FAT1: variants seen among roughly 807,000 people sequenced by gnomAD.
FAT1 encodes FAT atypical cadherin 1.
A neutral mutation model predicts 329.8 loss-of-function variants in FAT1; 171 were observed. The ratio of observed to expected loss-of-function variants is 0.52; its 90% CI spans 0.46 to 0.59. The LOEUF (loss-of-function observed/expected upper bound fraction) is 0.59, where lower values mean the gene tolerates loss of function less well. Ranked by LOEUF, FAT1 falls within the 20% of genes least tolerant of loss-of-function variation. The probability of loss-of-function intolerance (pLI) is 0.00; values close to 1 mark genes in which losing one functional copy is unlikely to be tolerated. For missense variants in FAT1, 5,672 were observed against 5,774.4 expected (o/e 0.98, Z 0.57); for synonymous variants, 2,233 against 2,228.6 (o/e 1.00, Z -0.06).
chr4:186,710,157 A>AT (rs1436628948), intron 1 of FAT1, among the ~76,000 whole-genome samples: 4 of 152,344 alleles, frequency 2.6e-5, no homozygotes, highest in African/African-American at 9.6e-5. Context: ...ACTAAGTTAT[A>AT]TTTTTATATT....
intron 3 of FAT1, among the ~76,000 whole-genome samples, chr4:186,649,387 T>C (rs1292845126): frequency 1.3e-5 from 2 of 152,226 alleles, no homozygotes; most frequent in Non-Finnish European, 2.9e-5. Context: ...TGGTGGCTCC[T>C]GCCCAAAAGA....
At chr4:186,645,763 T>C (rs1195563281) in intron 3 of FAT1, among the ~76,000 whole-genome samples, 4 of 151,540 alleles carry the variant, frequency 2.6e-5, no homozygotes. Flanking sequence ...TTGGTCAACA[T>C]GGAGAAACCC....
chr4:186,704,765 C>T (rs1282057794), intron 2 of FAT1, among the ~76,000 whole-genome samples: 1 of 152,142 alleles, frequency 6.6e-6, no homozygotes, highest in African/African-American at 2.4e-5. Context: ...AGAGGATTAT[C>T]AAATGCTGTT....
At chr4:186,712,362 G>GT (rs34963612) in intron 1 of FAT1, among the ~76,000 whole-genome samples, 4,356 of 151,562 alleles carry the variant, frequency 0.029, 97 homozygotes, top group Non-Finnish European at 0.045. Context: ...CTCTACTGTG[G>GT]TTTTTTTTTA....
chr4:186,691,878 C>T (rs973426964), intron 2 of FAT1, among the ~76,000 whole-genome samples: 1 of 151,988 alleles, frequency 6.6e-6, no homozygotes, highest in African/African-American at 2.4e-5. Flanking sequence ...GATCACTGAA[C>T]CTTTCTACAA....
chr4:186,639,649 G>T (rs562947778), intron 4 of FAT1, 73 bp downstream of exon 4: 1 of 1,022,392 alleles, frequency 9.8e-7, no homozygotes, highest in Non-Finnish European at 1.5e-6. Context: ...TGGTTAATGG[G>T]AACAAGATTG....
intron 2 of FAT1, among the ~76,000 whole-genome samples, chr4:186,680,243 T>G (rs1398085641): frequency 6.6e-6 from 1 of 152,138 alleles, no homozygotes; most frequent in East Asian, 1.9e-4. Flanking sequence ...ACTAACACAA[T>G]CTGTTCAAAA....
At chr4:186,635,291 C>T (rs1445178982) in intron 6 of FAT1, among the ~76,000 whole-genome samples, 2 of 130,522 alleles carry the variant, frequency 1.5e-5, no homozygotes, top group Non-Finnish European at 1.6e-5. Context: ...ACCCTTGTAA[C>T]TAAAATGTGA....
intron 7 of FAT1, 36 bp from the exon 8 acceptor site, chr4:186,628,799 C>T (rs1222734802): frequency 6.3e-7 from 1 of 1,580,714 alleles, no homozygotes; most frequent in Non-Finnish European, 8.6e-7. Flanking sequence ...TACAATATTT[C>T]CAATTATGAA....
rs115343249 is a variant in FAT1, at chr4:186,668,125, A to G, written c.3266-4512T>C. ...ACCTAGGCGCTATTATAGGCACTGCACAAAGTGGGTGGAAGGAAGCCTTAA... is the reference window on the plus strand; with the variant it reads ...ACCTAGGCGCTATTATAGGCACTGCGCAAAGTGGGTGGAAGGAAGCCTTAA... On this transcript the variant is annotated intron_variant, in intron 2 of 26. Coordinates refer to ENST00000441802, the MANE Select transcript of FAT1 (RefSeq NM_005245.4). Among the ~76,000 whole-genome samples, 1,106 of 152,292 alleles carry G rather than the reference A, an allele frequency of 7.3e-3. 13 individuals are homozygous for G. Among genetic ancestry groups the G allele is most frequent in the African/African-American group, 0.026 (1,062 of 41,562 alleles).
Position 186,619,525 on chromosome 4 carries a change from C to T in FAT1, c.7061G>A (p.Arg2354Gln), listed in dbSNP as rs746997376. The change falls in exon 10 of 27, where the codon CGG (arginine) becomes CAG (glutamine). Residue 2354 changes from arginine to glutamine, a missense_variant. By Grantham distance (43) the Arg-to-Gln change is conservative. Around this residue, in one of 2 missense-constraint regions of FAT1, gnomAD observed 3,966 missense variants for 3,915.2 expected, o/e 1.01. Coordinates refer to ENST00000441802, the MANE Select transcript of FAT1 (RefSeq NM_005245.4). ...TGCCCTCACAAAAATCGTGTGCTGC[C>T]GGGACTGCTCGTAATCCAGGGTTCT... ...LLRTLDYEQSRQHTIFVRAVD... is the reference protein window; with the variant it reads ...LLRTLDYEQSQQHTIFVRAVD... 14 of 1,613,770 alleles carry T rather than the reference C, an allele frequency of 8.7e-6. No homozygotes were observed. Among genetic ancestry groups the T allele is most frequent in the Admixed American group, 5.0e-5 (3 of 59,992 alleles).
intron 2 of FAT1, among the ~76,000 whole-genome samples, chr4:186,697,528 T>C (rs1321260171): frequency 6.6e-6 from 1 of 152,178 alleles, no homozygotes; most frequent in Non-Finnish European, 1.5e-5. Context: ...GAACTACAGG[T>C]TCTTATTTCA....
rs758505282 is a variant in FAT1, at chr4:186,589,033, G to A, written c.13326C>T (p.Phe4442=). ...ACGGTGGTAGCTCATCAGCTGCGGG[G>A]AAGTCTTCTGGGGGTGGAGGAAAAT... The part of the protein sequence containing the change: ...ESDFPPPPED[F]PAADELPPLP... Residue 4442 remains phenylalanine, a synonymous_variant, in exon 27 of 27, where the codon TTC becomes TTT. Transcript: ENST00000441802. 8 of 1,613,904 alleles carry A rather than the reference G, an allele frequency of 5.0e-6. No individual in the cohort carries two copies. The highest frequency in any genetic ancestry group is 1.7e-5 in the Admixed American group (1 of 60,016).
intron 2 of FAT1, among the ~76,000 whole-genome samples, chr4:186,666,185 TAAAA>T: frequency 6.7e-6 from 1 of 150,064 alleles, no homozygotes. Context: ...TAAAGGATAG[TAAAA>T]AAAAAAAAAT....
chr4:186,602,820 A>C, intron 20 of FAT1, 83 bp downstream of exon 20: 2 of 1,399,458 alleles, frequency 1.4e-6, no homozygotes, highest in Non-Finnish European at 2.0e-6. Context: ...CAATATTTTT[A>C]GACTCCAATA....
chr4:186,718,135 G>C (rs1745300994), intron 1 of FAT1, among the ~76,000 whole-genome samples: 1 of 152,164 alleles, frequency 6.6e-6, no homozygotes, highest in Non-Finnish European at 1.5e-5. Flanking sequence ...CCAGGAAAGT[G>C]AATGTTCCAT....
chr4:186,595,906 A>G (rs1738486182), intron 25 of FAT1, 80 bp from the exon 26 acceptor site: 3 of 1,444,136 alleles, frequency 2.1e-6, no homozygotes, highest in African/African-American at 2.8e-5. Flanking sequence ...CACACCATGC[A>G]TTACCCAACG....
At chr4:186,594,825 G>GAAT (rs1249784881) in intron 26 of FAT1, among the ~76,000 whole-genome samples, 2 of 150,768 alleles carry the variant, frequency 1.3e-5, no homozygotes, top group Non-Finnish European at 3.0e-5. Context: ...ACTCTGGATT[G>GAAT]AATAATTATT....
At chr4:186,698,332 C>T (rs1293232128) in intron 2 of FAT1, among the ~76,000 whole-genome samples, 3 of 152,140 alleles carry the variant, frequency 2.0e-5, no homozygotes, top group East Asian at 1.9e-4. Context: ...AAGGTTTCCC[C>T]GGAGACCCCA....
Sources: allele counts gnomAD v4.1 joint callset (sites outside exome capture counted in the v4.1 genomes callset), GRCh38; gene constraint gnomAD v4.1.1; regional missense constraint gnomAD v4.1.1; transcripts MANE v1.5; gene names NCBI Gene and HGNC (gene_info 2026-07-23, HGNC 2026-07-21).